Variants in PCDH9 observed in about 807,000 individuals in gnomAD.
The protein encoded by PCDH9 is protocadherin 9, also known as protocadherin-9.
Under a neutral mutation model 70.6 loss-of-function variants are expected in PCDH9, and 24 were observed. The observed-to-expected ratio is 0.34, with a 90% CI of 0.25 to 0.48. The LOEUF is 0.48. PCDH9 is among the 20% of genes least tolerant of loss of function. The probability of loss-of-function intolerance (pLI) is 0.99; values close to 1 mark genes in which losing one functional copy is unlikely to be tolerated. For synonymous variants in PCDH9, 562 were observed against 558.5 expected, an observed-to-expected ratio of 1.01 and a Z score of -0.09; for missense variants, 1,281 against 1,503.6, an observed-to-expected ratio of 0.85 and a Z score of 2.45.
intron 4 of PCDH9, among the ~76,000 whole-genome samples, chr13:66,621,414 C>A (rs1003076892): frequency 2.0e-5 from 3 of 152,114 alleles, no homozygotes; most frequent in Non-Finnish European, 2.9e-5. Flanking sequence ...AGAAAAGTGA[C>A]CAAATAGTCC....
At chr13:67,141,656 G>T (rs951423531) in intron 2 of PCDH9, among the ~76,000 whole-genome samples, 1 of 151,572 alleles carries the variant, frequency 6.6e-6, no homozygotes, top group South Asian at 2.1e-4. Flanking sequence ...GGCCAGGCTG[G>T]TCTCAAACTC....
At chr13:66,460,450 A>G (rs2138451026) in intron 4 of PCDH9, among the ~76,000 whole-genome samples, 1 of 151,924 alleles carries the variant, frequency 6.6e-6, no homozygotes, top group East Asian at 1.9e-4. Flanking sequence ...GAAATCTATA[A>G]TTGTGAAGTG....
chr13:66,315,996 CT>C (rs1021733650), intron 4 of PCDH9, among the ~76,000 whole-genome samples: 33 of 152,174 alleles, frequency 2.2e-4, no homozygotes, highest in African/African-American at 8.0e-4. Context: ...GTTGAGAGGG[CT>C]GGTTCCTTCT....
At chr13:66,417,241 T>C (rs1225041816) in intron 4 of PCDH9, among the ~76,000 whole-genome samples, 2 of 152,140 alleles carry the variant, frequency 1.3e-5, no homozygotes, top group Non-Finnish European at 2.9e-5. Flanking sequence ...TGTTTTCTCA[T>C]TGTTCAACTC....
chr13:67,008,256 ATAAC>A (rs2084390228), intron 2 of PCDH9, among the ~76,000 whole-genome samples: 2 of 152,272 alleles, frequency 1.3e-5, no homozygotes, highest in South Asian at 2.1e-4. Context: ...AAAAAGCACT[ATAAC>A]TAACAGTGGA....
intron 2 of PCDH9, among the ~76,000 whole-genome samples, chr13:66,951,265 G>A (rs942366342): frequency 2.0e-4 from 30 of 152,060 alleles, no homozygotes; most frequent in African/African-American, 7.0e-4. Context: ...TAAATGAGGT[G>A]AAGATACATA....
intron 4 of PCDH9, among the ~76,000 whole-genome samples, chr13:66,372,660 A>G (rs534929251): frequency 2.4e-4 from 36 of 151,872 alleles, no homozygotes; most frequent in African/African-American, 7.9e-4. Context: ...GCATATTGGA[A>G]GAAGGGAATG....
chr13:66,960,702 ATAG>A lies in PCDH9; in HGVS notation c.3037-57100_3037-57098del, dbSNP rs1159379966. ...AGCTGGGCAGTTAAGAAAACATAAA[ATAG>A]TAGCAATTCATTACAGTCTCAATGC... On this transcript the variant is annotated intron_variant, in intron 2 of 4. Transcript: ENST00000377865. Among the ~76,000 whole-genome samples the A allele has an allele frequency of 2.6e-5, 4 of 152,208 alleles. No individual in the cohort carries two copies. In the East Asian group the frequency reaches 5.8e-4, roughly 22 times the overall value.
intron 4 of PCDH9, among the ~76,000 whole-genome samples, chr13:66,552,621 T>C (rs978729938): frequency 2.0e-5 from 3 of 152,100 alleles, no homozygotes; most frequent in Non-Finnish European, 4.4e-5. Flanking sequence ...ACCTACCACA[T>C]GCCAAGAACT....
intron 2 of PCDH9, among the ~76,000 whole-genome samples, chr13:67,098,641 C>T (rs545510975): frequency 4.6e-5 from 7 of 152,034 alleles, no homozygotes; most frequent in African/African-American, 1.7e-4. Context: ...ATCTGTTCTT[C>T]CTTGATGAAG....
chr13:66,507,331 T>A (rs891908310), intron 4 of PCDH9, among the ~76,000 whole-genome samples: 1 of 152,174 alleles, frequency 6.6e-6, no homozygotes, highest in African/African-American at 2.4e-5. Context: ...TTTCTTCATT[T>A]TTATGTAGCA....
chr13:66,489,346 G>C (rs1051803470), intron 4 of PCDH9, among the ~76,000 whole-genome samples: 3 of 151,966 alleles, frequency 2.0e-5, no homozygotes, highest in Non-Finnish European at 2.9e-5. Context: ...TTTGAGACAG[G>C]CTCCATCACC....
At chr13:67,095,743 G>A (rs2086306682) in intron 2 of PCDH9, among the ~76,000 whole-genome samples, 1 of 152,082 alleles carries the variant, frequency 6.6e-6, no homozygotes, top group African/African-American at 2.4e-5. Flanking sequence ...CCAAGGAAAT[G>A]ACTAGTTTGT....
At chr13:66,445,742 A>G (rs372980089) in intron 4 of PCDH9, among the ~76,000 whole-genome samples, 25 of 145,694 alleles carry the variant, frequency 1.7e-4, no homozygotes, top group South Asian at 1.3e-3. Context: ...TATATATTAT[A>G]TATACACATA....
chr13:66,754,363 A>T (rs1019432724), intron 3 of PCDH9, among the ~76,000 whole-genome samples: 1 of 152,196 alleles, frequency 6.6e-6, no homozygotes, highest in Admixed American at 6.5e-5. Context: ...GTATCCCAGA[A>T]TTTAAAGTAT....
rs71110636 is a variant in PCDH9 at position 67,189,207 on chromosome 13, CGT to C, written c.3036+36196_3036+36197del. 3.8e-3 allele frequency among the ~76,000 whole-genome samples: 565 copies of C among 149,364 alleles called. 1 individual carries two copies. Among genetic ancestry groups the C allele is most frequent in the African/African-American group, 0.012 (504 of 40,810 alleles). ...ACACATATATACATATACATATATA[CGT>C]GTGTGTGTGTGTGTGTGTATCTCTC... is the stretch of plus-strand genomic sequence containing the variant. On this transcript the variant is annotated intron_variant, in intron 2 of 4. Coordinates refer to ENST00000377865, the MANE Select transcript of PCDH9 (RefSeq NM_203487.3).
intron 4 of PCDH9, among the ~76,000 whole-genome samples, chr13:66,373,599 T>G (rs1956698138): frequency 6.6e-6 from 1 of 152,046 alleles, no homozygotes; most frequent in Non-Finnish European, 1.5e-5. Context: ...TAATCAGAAT[T>G]ATTTCTTCAA....
At chr13:67,204,639 C>T (rs2089295916) in intron 2 of PCDH9, 1 of 152,178 alleles carries the variant, frequency 6.6e-6, no homozygotes, top group Non-Finnish European at 1.5e-5. Flanking sequence ...AGTCTGCCTG[C>T]CTGTCACAAT....
chr13:67,041,830 CA>C (rs61557179), intron 2 of PCDH9, among the ~76,000 whole-genome samples: 79,377 of 109,564 alleles, frequency 0.72, 27,758 homozygotes, highest in East Asian at 0.93. Flanking sequence ...GACTCTGTCT[CA>C]AAAAAAAAAA....
Sources: allele counts gnomAD v4.1 joint callset (sites outside exome capture counted in the v4.1 genomes callset), GRCh38; gene constraint gnomAD v4.1.1; transcripts MANE v1.5; gene names NCBI Gene and HGNC (gene_info 2026-07-23, HGNC 2026-07-21).